The following PRELID2 variants were observed in gnomAD, a reference collection of about 807,000 sequenced individuals.
PRELID2 encodes the protein PRELI domain-containing protein 2.
A neutral mutation model predicts 28.4 loss-of-function variants in PRELID2; 25 were observed. The observed-to-expected ratio is 0.88, with a 90% CI of 0.64 to 1.23. PRELID2 has a LOEUF of 1.23. Ranked by LOEUF, PRELID2 falls within the 50% of genes most tolerant of loss-of-function variation. PRELID2 has a pLI of 0.00. For synonymous variants in PRELID2, 76 were observed against 71.6 expected (o/e 1.06, Z -0.31); for missense variants, 201 against 214.4 (o/e 0.94, Z 0.39).
intron 1 of PRELID2, among the ~76,000 whole-genome samples, chr5:145,560,650 C>G (rs570955141): frequency 6.6e-6 from 1 of 152,178 alleles, no homozygotes; most frequent in African/African-American, 2.4e-5. Flanking sequence ...CAACCAGTCC[C>G]TTTGCTATCT....
At chr5:145,321,125 T>C in the PRELID2 span, among the ~76,000 whole-genome samples, 3 of 152,322 alleles carry the variant, frequency 2.0e-5, no homozygotes, top group South Asian at 2.1e-4. Flanking sequence ...ATACCATTAT[T>C]ATCTCCCTTT....
At chr5:145,521,133 A>T (rs1478913150) in intron 1 of PRELID2, among the ~76,000 whole-genome samples, 1 of 152,216 alleles carries the variant, frequency 6.6e-6, no homozygotes, top group African/African-American at 2.4e-5. Flanking sequence ...TCAGTTAGTT[A>T]ATCTCAGGCT....
chr5:145,820,084 A>G (rs559404485), intron 2 of PRELID2, 66 bp from the exon 3 acceptor site: 1 of 970,110 alleles, frequency 1.0e-6, no homozygotes, highest in Admixed American at 2.3e-5. Context: ...AGTGTCAATA[A>G]ATCTTGCGGG....
chr5:145,510,398 T>C (rs1034644887), intron 1 of PRELID2, among the ~76,000 whole-genome samples: 3 of 152,212 alleles, frequency 2.0e-5, no homozygotes, highest in Admixed American at 6.5e-5. Context: ...GGCTCCAGCT[T>C]TTTTTCTCAT....
At chr5:145,625,630 A>T (rs1753835079) in intron 1 of PRELID2, among the ~76,000 whole-genome samples, 1 of 152,184 alleles carries the variant, frequency 6.6e-6, no homozygotes, top group Non-Finnish European at 1.5e-5. Context: ...AATGTATGTA[A>T]CTGTAATTCT....
chr5:145,466,895 AC>A (rs915859118), downstream of PRELID2, among the ~76,000 whole-genome samples: 1 of 151,940 alleles, frequency 6.6e-6, no homozygotes, highest in Middle Eastern at 3.2e-3. Flanking sequence ...CCTACCACCC[AC>A]CCTGAATTCA....
the PRELID2 span, among the ~76,000 whole-genome samples, chr5:145,339,490 A>T: frequency 6.6e-6 from 1 of 152,176 alleles, no homozygotes; most frequent in South Asian, 2.1e-4. Flanking sequence ...GCACAGAGAC[A>T]TTGCTCCAGA....
chr5:145,680,768 C>T (rs1339476631), intron 1 of PRELID2, among the ~76,000 whole-genome samples: 1 of 151,932 alleles, frequency 6.6e-6, no homozygotes, highest in Admixed American at 6.6e-5. Flanking sequence ...AGTGCTTCTG[C>T]TACCTGCAAC....
At chr5:145,580,105 C>G (rs1753094787) in intron 1 of PRELID2, among the ~76,000 whole-genome samples, 1 of 152,022 alleles carries the variant, frequency 6.6e-6, no homozygotes, top group South Asian at 2.1e-4. Flanking sequence ...ATGATTTTGG[C>G]AAGCCTTCAG....
chr5:145,475,910 T>C (rs1183118409), intron 1 of PRELID2, among the ~76,000 whole-genome samples: 2 of 152,204 alleles, frequency 1.3e-5, no homozygotes, highest in East Asian at 3.8e-4. Context: ...AAATAATTAT[T>C]TGTTGTCAGG....
intron 1 of PRELID2, among the ~76,000 whole-genome samples, chr5:145,696,786 T>C (rs1755277744): frequency 6.6e-6 from 1 of 151,854 alleles, no homozygotes; most frequent in Non-Finnish European, 1.5e-5. Flanking sequence ...TTTGAAAAAA[T>C]CATTACAGTT....
chr5:145,285,728 A>G, the PRELID2 span, among the ~76,000 whole-genome samples: 3 of 152,192 alleles, frequency 2.0e-5, no homozygotes, highest in Non-Finnish European at 4.4e-5. Context: ...CCTCTAGCAC[A>G]CAGGTTTCCC....
At chr5:145,378,231 T>A in the PRELID2 span, among the ~76,000 whole-genome samples, 8 of 152,176 alleles carry the variant, frequency 5.3e-5, no homozygotes, top group African/African-American at 1.9e-4. Flanking sequence ...TTTTCTTTCA[T>A]TTCAACCTCA....
Position 145,701,244 on chromosome 5 carries a change from G to A in PRELID2, n.70+63687C>T, listed in dbSNP as rs1031965175. ...AAACCCAGGCACCTTGGCAACAGAG[G>A]AAGCATGCTTAACCTTCACACCGAC... On this transcript the variant is annotated intron_variant and non_coding_transcript_variant, in intron 1 of 2. Transcript: ENST00000510259. 3.3e-5 allele frequency among the ~76,000 whole-genome samples: 5 copies of A among 152,186 alleles called. No homozygotes were observed. In the South Asian group the frequency reaches 1.0e-3, roughly 31 times the overall value.
chr5:145,700,199 C>A (rs1755374544), intron 1 of PRELID2, among the ~76,000 whole-genome samples: 1 of 149,342 alleles, frequency 6.7e-6, no homozygotes, highest in African/African-American at 2.5e-5. Context: ...CAGCATCCCC[C>A]CCAACTTTCC....
chr5:145,701,418 G>A (rs1049974448), intron 1 of PRELID2, among the ~76,000 whole-genome samples: 9 of 152,180 alleles, frequency 5.9e-5, no homozygotes, highest in Admixed American at 1.3e-4. Context: ...AAAAATTAAT[G>A]TAATTGCTTA....
the PRELID2 span, among the ~76,000 whole-genome samples, chr5:145,390,185 T>A: frequency 1.3e-5 from 2 of 152,138 alleles, no homozygotes; most frequent in Non-Finnish European, 2.9e-5. Context: ...GGATATAATA[T>A]CTCAGTTGAA....
chr5:145,360,855 A>G, the PRELID2 span, among the ~76,000 whole-genome samples: 9 of 152,238 alleles, frequency 5.9e-5, no homozygotes, highest in South Asian at 1.7e-3. Context: ...TTTGTTTCAA[A>G]AGCTGGCATA....
the PRELID2 span, among the ~76,000 whole-genome samples, chr5:145,374,348 C>A: frequency 6.6e-6 from 1 of 152,234 alleles, no homozygotes; most frequent in Admixed American, 6.5e-5. Context: ...GCTGAGAAGT[C>A]TGCTGTTAGT....
Sources: gnomAD v4.1 joint callset for allele counts (sites outside exome capture counted in the v4.1 genomes callset) on GRCh38, gnomAD v4.1.1 for gene constraint, MANE v1.5 for transcripts, NCBI Gene and HGNC (gene_info 2026-07-23, HGNC 2026-07-21) for gene names.